The following ZFP2 variants were observed in gnomAD, a reference collection of about 807,000 sequenced individuals.
The protein encoded by ZFP2 is zinc finger protein ZFP2.
Under a neutral mutation model 36.1 loss-of-function variants are expected in ZFP2, and 33 were observed. The observed-to-expected ratio is 0.92, with a 90% confidence interval of 0.69 to 1.22. ZFP2 has a LOEUF of 1.22. Among genes scored for constraint, ZFP2 ranks in the 50% most tolerant of loss-of-function variants. The pLI is 0.00. For synonymous variants in ZFP2, 170 were observed against 178.0 expected (o/e 0.96, Z 0.36); for missense variants, 522 against 551.4 (o/e 0.95, Z 0.53).
chr5:178,923,107 T>C (rs1308059802), intron 4 of ZFP2, among the ~76,000 whole-genome samples: 1 of 149,496 alleles, frequency 6.7e-6, no homozygotes, highest in Non-Finnish European at 1.5e-5. Flanking sequence ...TTAATTGTAA[T>C]GTTTTGTGTT....
rs1758867878 is a variant in ZFP2, at chr5:178,932,342, A to G, written c.1029A>G (p.Gln343=). ...KAFSKNSSLT[Q]HRRIHTGEKP... ...TCAGTAAGAATTCATCTCTAACTCA[A>G]CATCGGAGAATTCACACTGGAGAGA... Residue 343 remains glutamine (Q), a synonymous_variant, in exon 5 of 5, where the codon CAA becomes CAG. Coordinates refer to ENST00000361362, the MANE Select transcript of ZFP2 (RefSeq NM_030613.4). 2 of 1,613,980 alleles carry G rather than the reference A, an allele frequency of 1.2e-6. No homozygotes were observed. Among genetic ancestry groups the G allele is most frequent in the South Asian group, 1.1e-5 (1 of 91,084 alleles).
intron 1 of ZFP2, among the ~76,000 whole-genome samples, chr5:178,896,811 A>G (rs1480936689): frequency 6.6e-6 from 1 of 152,204 alleles, no homozygotes; most frequent in African/African-American, 2.4e-5. Flanking sequence ...CATGAGATGC[A>G]TTTGGTAAGG....
In ZFP2 at chr5:178,932,206, A is replaced by C. The variant is rs1349734116; in HGVS notation, c.893A>C (p.Tyr298Ser). 6.2e-7 allele frequency: 1 copy of C among 1,614,190 alleles called. No individual in the cohort carries two copies. Among genetic ancestry groups the C allele is most frequent in the South Asian group, 1.1e-5 (1 of 91,086 alleles). The change falls in exon 5 of 5, where the codon TAC (tyrosine) becomes TCC (serine). Residue 298 changes from tyrosine (Y) to serine (S), a missense_variant. Physicochemically the swap from Tyr to Ser is moderately radical, Grantham distance 144. Transcript: ENST00000361362. ...CGAAATCACACTGGAGAAAAACCTT[A>C]CAAATGTAACAAATGCGGGAAATCC... ...HQRNHTGEKPYKCNKCGKSFS... is the reference protein window; with the variant it reads ...HQRNHTGEKPSKCNKCGKSFS...
chr5:178,928,948 A>C (rs115482447), intron 4 of ZFP2, among the ~76,000 whole-genome samples: 1 of 152,240 alleles, frequency 6.6e-6, no homozygotes, highest in Non-Finnish European at 1.5e-5. Flanking sequence ...TAACTGTTCA[A>C]CTGTGTATAC....
chr5:178,924,854 A>G (rs1758633622), intron 4 of ZFP2, among the ~76,000 whole-genome samples: 1 of 147,474 alleles, frequency 6.8e-6, no homozygotes, highest in African/African-American at 2.4e-5. Flanking sequence ...ATCTCAAAAT[A>G]ATAATAATAA....
intron 1 of ZFP2, among the ~76,000 whole-genome samples, chr5:178,906,414 T>G (rs1758166740): frequency 6.6e-6 from 1 of 152,230 alleles, no homozygotes; most frequent in Non-Finnish European, 1.5e-5. Flanking sequence ...CTCACTGCTT[T>G]CTTTACATTT....
At chr5:178,910,016 C>T (rs1416652805) in intron 1 of ZFP2, 3 of 1,440,154 alleles carry the variant, frequency 2.1e-6, no homozygotes, top group South Asian at 1.1e-5. Context: ...TGGCTATTTG[C>T]CGATGCAGTG....
chr5:178,899,399 G>C (rs1173229861), intron 1 of ZFP2, among the ~76,000 whole-genome samples: 2 of 152,154 alleles, frequency 1.3e-5, no homozygotes, highest in Non-Finnish European at 2.9e-5. Context: ...ATGGCTCCTG[G>C]AATGTTGAAG....
intron 1 of ZFP2, among the ~76,000 whole-genome samples, chr5:178,909,057 AGGG>A (rs1758233249): frequency 6.1e-5 from 9 of 148,126 alleles, no homozygotes; most frequent in Admixed American, 4.7e-4. Context: ...TCCAGGGCTC[AGGG>A]CGTAAAACCC....
intron 3 of ZFP2, 44 bp from the exon 4 acceptor site, chr5:178,916,521 A>G (rs1012314802): frequency 3.0e-5 from 30 of 984,764 alleles, no homozygotes; most frequent in South Asian, 4.7e-5. Context: ...AAAGGAGCCC[A>G]TAGAACATGA....
At chr5:178,931,116 C>G (rs1758824440) in intron 4 of ZFP2, 121 bp from the exon 5 acceptor site, 4 of 1,146,890 alleles carry the variant, frequency 3.5e-6, no homozygotes, top group Non-Finnish European at 4.6e-6. Flanking sequence ...TGAAAGCTCT[C>G]AAATGTGCTC....
At chr5:178,900,413 ACTT>A (rs1758031378) in intron 1 of ZFP2, among the ~76,000 whole-genome samples, 1 of 78,178 alleles carries the variant, frequency 1.3e-5, no homozygotes, top group African/African-American at 4.6e-5. Flanking sequence ...TCCTCGTGCC[ACTT>A]CTACTCCATG....
In ZFP2 at chr5:178,929,655, A is replaced by G. The variant is rs1393040217; in HGVS notation, c.-77-1582A>G. Among the ~76,000 whole-genome samples, 4 of 152,200 alleles carry G rather than the reference A, an allele frequency of 2.6e-5. No individual in the cohort carries two copies. In the East Asian group the frequency reaches 5.8e-4, roughly 22 times the overall value. On this transcript the variant is annotated intron_variant, in intron 4 of 4. Transcript: ENST00000361362. Reference sequence around the variant, plus strand: ...CACTATCAGCATTTTGGTCATAACCATTTAACCAGTTTCTAAGATGTTCCA... The same window carrying G: ...CACTATCAGCATTTTGGTCATAACCGTTTAACCAGTTTCTAAGATGTTCCA...
At chr5:178,900,127 T>TA (rs548690766) in intron 1 of ZFP2, among the ~76,000 whole-genome samples, 4 of 152,236 alleles carry the variant, frequency 2.6e-5, no homozygotes, top group Non-Finnish European at 5.9e-5. Flanking sequence ...GTCAGTAACC[T>TA]ACATTTTAAT....
rs902629985 is a variant in ZFP2 at position 178,922,121 on chromosome 5, A to G, written c.-78+5411A>G. The G allele has an allele frequency of 3.1e-5, 35 of 1,146,392 alleles. 3 individuals carry two copies. The Middle Eastern group carries it at 6.2e-4, about 20-fold the overall frequency. 71.0% of individuals were successfully genotyped at this position (1,146,392 alleles called of 1,614,324 possible). On this transcript the variant is annotated intron_variant, in intron 4 of 4. Coordinates refer to ENST00000361362, the MANE Select transcript of ZFP2 (RefSeq NM_030613.4). The stretch of plus-strand genomic sequence containing the variant: ...TACCCATCTTTTATGCATATTTTCA[A>G]TTATCCTAAGTGTCTTCATTCCATC...
chr5:178,909,074 G>A (rs1208434017), intron 1 of ZFP2, among the ~76,000 whole-genome samples: 10 of 145,092 alleles, frequency 6.9e-5, no homozygotes, highest in Admixed American at 4.8e-4. Context: ...AAAACCCCTC[G>A]TGGCCTGGAT....
chr5:178,900,452 C>T (rs1758032531), intron 1 of ZFP2, among the ~76,000 whole-genome samples: 1 of 70,674 alleles, frequency 1.4e-5, no homozygotes, highest in South Asian at 7.0e-4. Context: ...AGCCAGTGTC[C>T]TCGTGCCACT....
intron 1 of ZFP2, among the ~76,000 whole-genome samples, chr5:178,908,413 C>T (rs1331560915): frequency 2.0e-5 from 3 of 150,974 alleles, no homozygotes; most frequent in East Asian, 1.9e-4. Context: ...CGCCACTGCA[C>T]TCCAGCCTGG....
At chr5:178,907,001 T>C (rs1420722380) in intron 1 of ZFP2, among the ~76,000 whole-genome samples, 1 of 152,036 alleles carries the variant, frequency 6.6e-6, no homozygotes, top group Non-Finnish European at 1.5e-5. Context: ...ACTTTTTAAA[T>C]GGAAAAATAA....
Sources: gnomAD v4.1 joint callset for allele counts (sites outside exome capture counted in the v4.1 genomes callset) on GRCh38, gnomAD v4.1.1 for gene constraint, MANE v1.5 for transcripts, NCBI Gene and HGNC (gene_info 2026-07-23, HGNC 2026-07-21) for gene names.